ARID1B: variants seen among roughly 807,000 people sequenced by gnomAD.
ARID1B encodes AT-rich interaction domain 1B.
In ARID1B, 30 loss-of-function variants were observed where a neutral mutation model predicts 212.3. The ratio of observed to expected loss-of-function variants is 0.14; its 90% CI spans 0.11 to 0.19. The LOEUF (loss-of-function observed/expected upper bound fraction) is 0.19, where lower values mean the gene tolerates loss of function less well. Among genes scored for constraint, ARID1B ranks in the 10% least tolerant of loss-of-function variants. The pLI is 1.00. For missense variants in ARID1B, 2,891 were observed against 3,204.0 expected (o/e 0.90, Z 2.36); for synonymous variants, 1,402 against 1,301.7 (o/e 1.08, Z -1.66).
chr6:156,934,908 TTAATTATATATATATATATATATATA>T (rs1384717207), intron 3 of ARID1B, among the ~76,000 whole-genome samples: 16 of 97,412 alleles, frequency 1.6e-4, no homozygotes, highest in African/African-American at 6.5e-4. Context: ...AATTTAGTTG[TTAATTATATATATATATATATATATA>T]TATATATATA....
chr6:156,812,960 G>A (rs1781662418), intron 1 of ARID1B, among the ~76,000 whole-genome samples: 5 of 114,928 alleles, frequency 4.4e-5, no homozygotes, highest in Admixed American at 1.0e-4. Flanking sequence ...GTGTGTGTGT[G>A]TGTGTGTGTG....
At chr6:156,892,814 C>A (rs1225797647) in intron 2 of ARID1B, among the ~76,000 whole-genome samples, 1 of 151,976 alleles carries the variant, frequency 6.6e-6, no homozygotes, top group Non-Finnish European at 1.5e-5. Context: ...TAGTTCTTTT[C>A]AAAAAATAGT....
At chr6:157,180,909 T>G (rs926046126) in intron 11 of ARID1B, 60 bp from the exon 12 acceptor site, 4 of 1,459,396 alleles carry the variant, frequency 2.7e-6, no homozygotes, top group Non-Finnish European at 3.8e-6. Context: ...TTTTCTCACC[T>G]TCTTCCCTCT....
At chr6:157,058,439 A>G (rs1162345264) in intron 4 of ARID1B, among the ~76,000 whole-genome samples, 1 of 151,850 alleles carries the variant, frequency 6.6e-6, no homozygotes, top group Non-Finnish European at 1.5e-5. Flanking sequence ...TAATTTTTGT[A>G]TTTTTAATAG....
chr6:156,889,967 G>T (rs1239051046), intron 2 of ARID1B, among the ~76,000 whole-genome samples: 3 of 152,218 alleles, frequency 2.0e-5, no homozygotes, highest in African/African-American at 7.2e-5. Flanking sequence ...AGTTTGCAAA[G>T]TGGATAATAA....
intron 1 of ARID1B, among the ~76,000 whole-genome samples, chr6:156,803,558 CCTTT>C (rs1780936156): frequency 6.6e-6 from 1 of 151,818 alleles, no homozygotes; most frequent in Non-Finnish European, 1.5e-5. Flanking sequence ...ATTTTTCCCT[CCTTT>C]CTCTTCAAGT....
intron 4 of ARID1B, chr6:157,071,959 T>C (rs571431318): frequency 6.6e-6 from 1 of 152,326 alleles, no homozygotes; most frequent in African/African-American, 2.4e-5. Flanking sequence ...AGCTATCTTA[T>C]TCAGGTATTT....
intron 4 of ARID1B, chr6:156,941,572 C>T (rs1792679069): frequency 6.6e-6 from 1 of 152,090 alleles, no homozygotes; most frequent in South Asian, 2.1e-4. Flanking sequence ...GTTTATTTTC[C>T]AAAATGGATT....
intron 5 of ARID1B, among the ~76,000 whole-genome samples, chr6:157,105,160 T>G (rs1406777173): frequency 6.6e-6 from 1 of 152,042 alleles, no homozygotes; most frequent in Non-Finnish European, 1.5e-5. Flanking sequence ...TTAAGTTAGA[T>G]CCATCCTCAC....
chr6:156,800,422 C>G (rs1484990612), intron 1 of ARID1B, among the ~76,000 whole-genome samples: 1 of 152,024 alleles, frequency 6.6e-6, no homozygotes, highest in Admixed American at 6.6e-5. Flanking sequence ...AACCTCGTCT[C>G]TACTAAAAAT....
intron 9 of ARID1B, 139 bp from the exon 10 acceptor site, chr6:157,173,869 C>A: frequency 1.5e-6 from 1 of 656,648 alleles, no homozygotes; most frequent in Non-Finnish European, 2.6e-6. Flanking sequence ...ATATGCTCCC[C>A]ATTACAATTT....
intron 4 of ARID1B, among the ~76,000 whole-genome samples, chr6:157,068,300 A>C (rs1294389946): frequency 6.6e-6 from 1 of 152,240 alleles, no homozygotes; most frequent in Non-Finnish European, 1.5e-5. Context: ...CCTCCTGCAC[A>C]GGTCAGGTAG....
At chr6:156,882,609 A>G (rs4869898) in intron 2 of ARID1B, among the ~76,000 whole-genome samples, 42,733 of 152,086 alleles carry the variant, frequency 0.28, 6,172 homozygotes, top group Non-Finnish European at 0.33. Flanking sequence ...GACCAGAAAT[A>G]TAGCACGGTT....
chr6:156,887,298 G>T (rs920042980), intron 2 of ARID1B, among the ~76,000 whole-genome samples: 2 of 152,172 alleles, frequency 1.3e-5, no homozygotes, highest in Non-Finnish European at 1.5e-5. Flanking sequence ...CATGGATTCT[G>T]CAGTTGACAC....
chr6:156,994,988 C>G (rs1272273443), intron 4 of ARID1B, among the ~76,000 whole-genome samples: 3 of 152,348 alleles, frequency 2.0e-5, no homozygotes, highest in South Asian at 2.1e-4. Context: ...GGGCCACTTA[C>G]CAAGACTTAG....
chr6:157,033,969 T>A (rs1781169280), intron 4 of ARID1B, among the ~76,000 whole-genome samples: 1 of 152,200 alleles, frequency 6.6e-6, no homozygotes, highest in African/African-American at 2.4e-5. Flanking sequence ...CATCAGAGTA[T>A]TCAAATTTGT....
At chr6:156,946,544 C>A (rs1027537535) in intron 4 of ARID1B, among the ~76,000 whole-genome samples, 18 of 152,268 alleles carry the variant, frequency 1.2e-4, no homozygotes, top group Middle Eastern at 3.4e-3. Context: ...GGTTACTAAG[C>A]GCATTGTAAC....
chr6:157,174,736 AT>A (rs2128305294), intron 10 of ARID1B, 110 bp from the exon 11 acceptor site: 2 of 284,784 alleles, frequency 7.0e-6, no homozygotes, highest in Non-Finnish European at 1.2e-5. Flanking sequence ...ATATATATAT[AT>A]ATAATATATA....
intron 4 of ARID1B, chr6:157,023,946 T>C (rs1384145961): frequency 6.6e-6 from 1 of 152,208 alleles, no homozygotes; most frequent in East Asian, 1.9e-4. Flanking sequence ...TTATCTCAGG[T>C]TATTTATTCT....
Sources: allele counts gnomAD v4.1 joint callset (sites outside exome capture counted in the v4.1 genomes callset), GRCh38; gene constraint gnomAD v4.1.1; transcripts MANE v1.5; gene names NCBI Gene and HGNC (gene_info 2026-07-23, HGNC 2026-07-21).